Variants in CADM2 observed in about 807,000 individuals in gnomAD.
The protein encoded by CADM2 is immunoglobulin superfamily member 4D.
In CADM2, 12 loss-of-function variants were observed where a neutral mutation model predicts 49.8. The ratio of observed to expected loss-of-function variants is 0.24; its 90% CI spans 0.15 to 0.39. CADM2 has a LOEUF of 0.39. Ranked by LOEUF, CADM2 falls within the 10% of genes least tolerant of loss-of-function variation. The pLI, the probability that CADM2 is intolerant of heterozygous loss-of-function variation, is 1.00. For synonymous variants in CADM2, 214 were observed against 175.4 expected, an observed-to-expected ratio of 1.22 and a Z score of -1.74; for missense variants, 378 against 492.3, an observed-to-expected ratio of 0.77 and a Z score of 2.20.
At chr3:85,643,943 A>G (rs755701190) in intron 1 of CADM2, among the ~76,000 whole-genome samples, 19 of 152,144 alleles carry the variant, frequency 1.2e-4, no homozygotes, top group Non-Finnish European at 2.1e-4. Context: ...GGGCTTTAGC[A>G]TATGAATTTT....
intron 1 of CADM2, among the ~76,000 whole-genome samples, chr3:85,587,783 C>T (rs552245236): frequency 1.3e-5 from 2 of 151,930 alleles, no homozygotes; most frequent in Non-Finnish European, 2.9e-5. Flanking sequence ...TTTGCTCTGT[C>T]ACCCAGGCTG....
chr3:85,678,697 C>A (rs73845616), intron 1 of CADM2, among the ~76,000 whole-genome samples: 1,800 of 152,192 alleles, frequency 0.012, 44 homozygotes, highest in African/African-American at 0.042. Context: ...GAAATGGCAA[C>A]GTAATATTGG....
intron 6 of CADM2, among the ~76,000 whole-genome samples, chr3:85,929,237 A>G (rs1720295984): frequency 6.6e-6 from 1 of 152,152 alleles, no homozygotes; most frequent in South Asian, 2.1e-4. Flanking sequence ...CCTTGCTCCT[A>G]CAGAGGAAAA....
intron 6 of CADM2, among the ~76,000 whole-genome samples, chr3:85,918,207 A>G (rs1313154110): frequency 6.6e-6 from 1 of 152,118 alleles, no homozygotes; most frequent in Non-Finnish European, 1.5e-5. Flanking sequence ...AGGGGTGGTG[A>G]GAGAAGGCAT....
rs1719666881 is a variant in CADM2, at chr3:85,925,186, TAC to T, written c.701-10580_701-10579del. ...CAACTCCCATACTACATCATCCAAG[TAC>T]TATGGTGTCTACAATATTGAGTTTG... On this transcript the variant is annotated intron_variant, in intron 6 of 9. Transcript: ENST00000383699. Among the ~76,000 whole-genome samples the T allele has an allele frequency of 4.6e-5, 7 of 152,294 alleles. No individual in the cohort carries two copies. In the South Asian group the frequency reaches 1.4e-3, roughly 32 times the overall value.
chr3:85,207,358 G>A (rs1174408570), intron 1 of CADM2, among the ~76,000 whole-genome samples: 2 of 151,852 alleles, frequency 1.3e-5, no homozygotes, highest in African/African-American at 4.8e-5. Flanking sequence ...ATTTTTAGAG[G>A]TATTTCTGCT....
At chr3:85,562,102 G>T (rs1464069110) in intron 1 of CADM2, among the ~76,000 whole-genome samples, 2 of 152,074 alleles carry the variant, frequency 1.3e-5, no homozygotes, top group Admixed American at 1.3e-4. Flanking sequence ...ACTAAGCACA[G>T]GATGGGTTTT....
At chr3:85,511,794 C>T (rs920124023) in intron 1 of CADM2, 1 of 769,812 alleles carries the variant, frequency 1.3e-6, no homozygotes, top group African/African-American at 1.9e-5. Context: ...ATTTTGTCCA[C>T]TGCAAACTTC....
At chr3:85,585,058 A>G (rs2062899644) in intron 1 of CADM2, among the ~76,000 whole-genome samples, 1 of 151,952 alleles carries the variant, frequency 6.6e-6, no homozygotes, top group South Asian at 2.1e-4. Flanking sequence ...GAAATCAACA[A>G]TTCATACCTC....
At chr3:85,039,456 A>T (rs915448370) in intron 1 of CADM2, among the ~76,000 whole-genome samples, 3 of 151,698 alleles carry the variant, frequency 2.0e-5, no homozygotes, top group Non-Finnish European at 4.4e-5. Context: ...TCCACCTTAT[A>T]GTTCTAGTAA....
intron 1 of CADM2, among the ~76,000 whole-genome samples, chr3:85,232,721 C>G (rs1559734423): frequency 1.3e-5 from 2 of 152,088 alleles, no homozygotes. Context: ...ATGAGACACT[C>G]CTACACACTT....
intron 1 of CADM2, among the ~76,000 whole-genome samples, chr3:85,356,078 GC>G (rs2031830779): frequency 6.6e-6 from 1 of 152,070 alleles, no homozygotes; most frequent in African/African-American, 2.4e-5. Context: ...CAAATAAAAT[GC>G]TTTTTCAGTC....
chr3:85,402,820 A>G (rs2035181375), intron 1 of CADM2, among the ~76,000 whole-genome samples: 1 of 152,162 alleles, frequency 6.6e-6, no homozygotes, highest in South Asian at 2.1e-4. Context: ...ATCAATCTCA[A>G]TCCCTCAGGA....
rs377072668 is a variant in CADM2, at chr3:85,869,641, C to T, written c.239-13650C>T. Among the ~76,000 whole-genome samples, 14 of 151,864 alleles carry T rather than the reference C, an allele frequency of 9.2e-5. No homozygotes were observed. The East Asian group carries it at 1.7e-3, about 19-fold the overall frequency. On this transcript the variant is annotated intron_variant, in intron 3 of 9. Transcript: ENST00000383699. ...TAAAGTTCTTGTTTCCTTTATCTGC[C>T]TACATTTTTTATATTGTTATTATTA...
intron 1 of CADM2, among the ~76,000 whole-genome samples, chr3:85,189,580 G>T (rs1207009960): frequency 1.3e-5 from 2 of 152,174 alleles, no homozygotes; most frequent in East Asian, 3.8e-4. Flanking sequence ...CTGTCCTCCA[G>T]AAGCTTAGTA....
At chr3:85,773,731 T>C (rs1181549211) in intron 2 of CADM2, among the ~76,000 whole-genome samples, 1 of 152,014 alleles carries the variant, frequency 6.6e-6, no homozygotes, top group Admixed American at 6.6e-5. Flanking sequence ...TGATTTCTCA[T>C]ACTTTAAGTT....
intron 1 of CADM2, among the ~76,000 whole-genome samples, chr3:85,689,802 C>A (rs1194896544): frequency 6.6e-6 from 1 of 152,034 alleles, no homozygotes; most frequent in Non-Finnish European, 1.5e-5. Flanking sequence ...TAAAGCAGTG[C>A]CTGTGGAGAA....
intron 1 of CADM2, among the ~76,000 whole-genome samples, chr3:85,013,685 CCTGTTGTTG>C (rs1371702616): frequency 2.0e-5 from 3 of 150,706 alleles, no homozygotes. Context: ...TGTATTGTTA[CCTGTTGTTG>C]AATAACTAAA....
At chr3:85,074,119 T>A (rs1445228370) in intron 1 of CADM2, among the ~76,000 whole-genome samples, 1 of 152,088 alleles carries the variant, frequency 6.6e-6, no homozygotes, top group African/African-American at 2.4e-5. Context: ...AGAGCTCCCG[T>A]TACCACTTTC....
Sources: allele counts gnomAD v4.1 joint callset (sites outside exome capture counted in the v4.1 genomes callset), GRCh38; gene constraint gnomAD v4.1.1; transcripts MANE v1.5; gene names NCBI Gene and HGNC (gene_info 2026-07-23, HGNC 2026-07-21).